TBC1D14: variants seen among roughly 807,000 people sequenced by gnomAD.
TBC1D14 encodes TBC1 domain family member 14.
TBC1D14 carries 26 observed loss-of-function variants against 79.0 expected under a neutral mutation model. The observed-to-expected ratio is 0.33, with a 90% CI of 0.24 to 0.46. TBC1D14 has a LOEUF of 0.46. Ranked by LOEUF, TBC1D14 falls within the 20% of genes least tolerant of loss-of-function variation. The pLI, the probability that TBC1D14 is intolerant of heterozygous loss-of-function variation, is 1.00. For synonymous variants in TBC1D14, 394 were observed against 349.9 expected, an observed-to-expected ratio of 1.13 and a Z score of -1.40; for missense variants, 769 against 887.6, an observed-to-expected ratio of 0.87 and a Z score of 1.70.
chr4:6,955,934 C>T (rs762853305), intron 2 of TBC1D14, among the ~76,000 whole-genome samples: 24 of 152,128 alleles, frequency 1.6e-4, no homozygotes, highest in Non-Finnish European at 2.5e-4. Flanking sequence ...CAGCCTCCTA[C>T]CTTCCTCTTG....
chr4:6,916,748 C>T (rs1270472151), intron 1 of TBC1D14, among the ~76,000 whole-genome samples: 1 of 152,190 alleles, frequency 6.6e-6, no homozygotes, highest in Admixed American at 6.5e-5. Context: ...AAACAGTCTT[C>T]CTCTTATCCG....
At chr4:6,988,885 C>CTTTCTTTTTTTTTTTTTTTTTTT (rs748889966) in intron 3 of TBC1D14, among the ~76,000 whole-genome samples, 1 of 76,810 alleles carries the variant, frequency 1.3e-5, no homozygotes, top group Non-Finnish European at 2.3e-5. Context: ...TTCTTTCTTT[C>CTTTCTTTTTTTTTTTTTTTTTTT]TTTTTTTTTT....
intron 2 of TBC1D14, among the ~76,000 whole-genome samples, chr4:6,957,135 G>A (rs990527543): frequency 6.6e-6 from 1 of 152,228 alleles, no homozygotes. Flanking sequence ...GGAGGAAAGT[G>A]GAGAAACTTG....
At chr4:6,955,011 G>C (rs1243692948) in intron 2 of TBC1D14, among the ~76,000 whole-genome samples, 1 of 152,260 alleles carries the variant, frequency 6.6e-6, no homozygotes, top group Non-Finnish European at 1.5e-5. Context: ...TGTGGAACTA[G>C]GAATTTTGAG....
chr4:7,023,562 C>T (rs1280488245), intron 12 of TBC1D14, among the ~76,000 whole-genome samples: 2 of 152,212 alleles, frequency 1.3e-5, no homozygotes, highest in African/African-American at 2.4e-5. Flanking sequence ...GCAAGAAGCT[C>T]GGGCTGAAGG....
chr4:6,929,173 G>A (rs979635978), intron 2 of TBC1D14, among the ~76,000 whole-genome samples: 11 of 152,198 alleles, frequency 7.2e-5, no homozygotes, highest in African/African-American at 2.7e-4. Flanking sequence ...GTCACTGTTT[G>A]CTGGTGTGTG....
chr4:7,003,648 G>C lies in TBC1D14; in HGVS notation c.1271-1196G>C, dbSNP rs1719888670. 2.0e-5 allele frequency among the ~76,000 whole-genome samples: 3 copies of C among 152,196 alleles called. No individual in the cohort carries two copies. In the South Asian group the frequency reaches 6.2e-4, roughly 31 times the overall value. ...ATGGGTAGCTGCAATTAAAGTCTTAGTGATAGACAAGTGATTGTGTGTAAT... is the reference window on the plus strand; with the variant it reads ...ATGGGTAGCTGCAATTAAAGTCTTACTGATAGACAAGTGATTGTGTGTAAT... On this transcript the variant is annotated intron_variant, in intron 7 of 13. Transcript: ENST00000409757.
intron 4 of TBC1D14, among the ~76,000 whole-genome samples, chr4:6,994,795 G>T (rs1718841773): frequency 1.3e-5 from 2 of 151,458 alleles, no homozygotes; most frequent in Admixed American, 1.3e-4. Context: ...GGGAGGCAGA[G>T]CTTGCAGTGA....
intron 2 of TBC1D14, among the ~76,000 whole-genome samples, chr4:6,953,569 C>T (rs1243853217): frequency 7.9e-6 from 1 of 126,514 alleles, no homozygotes; most frequent in Non-Finnish European, 1.6e-5. Context: ...GGGGCGGAGC[C>T]TGCAGTGAGC....
intron 2 of TBC1D14, among the ~76,000 whole-genome samples, chr4:6,939,318 C>T (rs980680963): frequency 6.6e-6 from 1 of 152,052 alleles, no homozygotes; most frequent in Non-Finnish European, 1.5e-5. Flanking sequence ...GAAGAATCCA[C>T]AGGAGCCCCC....
In TBC1D14 at chr4:6,924,226, C is replaced by T. The variant is rs149508579; in HGVS notation, c.722+115C>T. ...GTGGTGTTAGGCAGGCACTGTCTCA[C>T]ACAGATAATTGGGTCTTTTCCCAGA... On this transcript the variant is annotated intron_variant, in intron 2 of 13. Transcript: ENST00000409757. 5.0e-5 allele frequency: 70 copies of T among 1,387,988 alleles called. No individual in the cohort carries two copies. The African/African-American group carries it at 8.0e-4, about 16-fold the overall frequency. The allele number at this position is 1,387,988 out of a possible 1,614,324, so 86.0% of individuals were successfully genotyped here.
At chr4:7,023,084 T>C (rs1681916331) in intron 12 of TBC1D14, among the ~76,000 whole-genome samples, 1 of 152,012 alleles carries the variant, frequency 6.6e-6, no homozygotes, top group African/African-American at 2.4e-5. Flanking sequence ...TGAAACCCCA[T>C]CTTTACTAAA....
At chr4:7,013,448 C>T (rs1323034085) in intron 11 of TBC1D14, among the ~76,000 whole-genome samples, 3 of 152,246 alleles carry the variant, frequency 2.0e-5, no homozygotes, top group African/African-American at 2.4e-5. Flanking sequence ...AGAACTGGGC[C>T]ACTATCAGAC....
chr4:7,003,963 G>A (rs1241411223), intron 7 of TBC1D14, among the ~76,000 whole-genome samples: 2 of 152,082 alleles, frequency 1.3e-5, no homozygotes, highest in South Asian at 2.1e-4. Flanking sequence ...CCAAGATTGC[G>A]CCACTGCACT....
intron 3 of TBC1D14, among the ~76,000 whole-genome samples, chr4:6,967,641 CAG>C (rs1436017445): frequency 1.3e-5 from 2 of 152,222 alleles, no homozygotes; most frequent in Non-Finnish European, 2.9e-5. Flanking sequence ...GTCCATTTGA[CAG>C]AGGTCGGCTT....
At chr4:6,988,478 A>G (rs554798570) in intron 3 of TBC1D14, among the ~76,000 whole-genome samples, 4 of 152,196 alleles carry the variant, frequency 2.6e-5, no homozygotes, top group Non-Finnish European at 5.9e-5. Flanking sequence ...GCTGTCCCCC[A>G]GCGCTTCCCT....
At chr4:6,924,167 C>T in intron 2 of TBC1D14, 56 bp downstream of exon 2, 1 of 1,537,016 alleles carries the variant, frequency 6.5e-7, no homozygotes, top group Non-Finnish European at 8.7e-7. Flanking sequence ...GACCAGTCTC[C>T]TTGTTCCTGT....
At chr4:6,924,861 T>C (rs1724160678) in intron 2 of TBC1D14, among the ~76,000 whole-genome samples, 1 of 152,040 alleles carries the variant, frequency 6.6e-6, no homozygotes, top group African/African-American at 2.4e-5. Context: ...AGAGAAACGA[T>C]GTTGGGTCAT....
intron 2 of TBC1D14, among the ~76,000 whole-genome samples, chr4:6,948,744 G>T (rs13135912): frequency 0.75 from 109,651 of 146,650 alleles, 41,851 homozygotes; most frequent in East Asian, 0.97. Context: ...CTGTCACCCA[G>T]GCTGGAGTGC....
Sources: allele counts gnomAD v4.1 joint callset (sites outside exome capture counted in the v4.1 genomes callset), GRCh38; gene constraint gnomAD v4.1.1; transcripts MANE v1.5; gene names NCBI Gene and HGNC (gene_info 2026-07-23, HGNC 2026-07-21).